CAPRIN1: variants seen among roughly 807,000 people sequenced by gnomAD.
CAPRIN1 encodes the protein cell cycle associated protein 1, also known as caprin-1.
Under a neutral mutation model 100.9 loss-of-function variants are expected in CAPRIN1, and 29 were observed. The observed-to-expected ratio is 0.29, with a 90% confidence interval of 0.21 to 0.39. The LOEUF (loss-of-function observed/expected upper bound fraction) is 0.39. CAPRIN1 is among the 10% of genes least tolerant of loss of function. CAPRIN1 has a pLI of 1.00. For missense variants in CAPRIN1, 795 were observed against 876.7 expected, an observed-to-expected ratio of 0.91 and a Z score of 1.18; for synonymous variants, 338 against 307.5, an observed-to-expected ratio of 1.10 and a Z score of -1.04.
intron 11 of CAPRIN1, among the ~76,000 whole-genome samples, chr11:34,088,054 G>A (rs564480838): frequency 6.6e-6 from 1 of 152,304 alleles, no homozygotes; most frequent in South Asian, 2.1e-4. Flanking sequence ...CTGGAGTGCA[G>A]TGGCGCATTC....
rs201634114 is a variant in CAPRIN1, at chr11:34,076,261, C to T, written c.392C>T (p.Ala131Val). 2 of 1,613,760 alleles carry T rather than the reference C, an allele frequency of 1.2e-6. No homozygotes were observed. Among genetic ancestry groups the T allele is most frequent in the South Asian group, 1.1e-5 (1 of 91,048 alleles). Residue 131 changes from alanine to valine, a missense_variant, in exon 5 of 19, where the codon GCA (alanine) becomes GTA (valine). By Grantham distance (64) the Ala-to-Val change is moderately conservative. This residue lies in a region of CAPRIN1 where 38 missense variants were observed against 92.3 expected (regional missense o/e 0.41). Transcript: ENST00000341394. ...ATTCAGAAAACAATAAAGAAGACAG[C>T]ACGTCGGGAGCAGCTTATGAGAGAA... ...QDIQKTIKKT[A>V]RREQLMREEA...
chr11:34,080,203 G>A (rs958860603), intron 7 of CAPRIN1, among the ~76,000 whole-genome samples: 4 of 152,156 alleles, frequency 2.6e-5, no homozygotes, highest in African/African-American at 7.2e-5. Context: ...GATTACAGGC[G>A]TGAGCCACTG....
chr11:34,054,815 TC>T (rs913681349), intron 2 of CAPRIN1, among the ~76,000 whole-genome samples: 1 of 152,236 alleles, frequency 6.6e-6, no homozygotes, highest in African/African-American at 2.4e-5. Flanking sequence ...AATGTTTTTT[TC>T]TAGGACAGTA....
Position 34,086,348 on chromosome 11 carries a change from T to C in CAPRIN1, c.1166T>C (p.Ile389Thr). Reference sequence around the variant, plus strand: ...GAAAATCAGACACTTGATCCTGCCATTGTATCTGCACAGCCTATGAATCCA... The same window carrying C: ...GAAAATCAGACACTTGATCCTGCCACTGTATCTGCACAGCCTATGAATCCA... ...DFENQTLDPA[I>T]VSAQPMNPTQ... The change falls in exon 11 of 19, where the codon ATT (isoleucine) becomes ACT (threonine). Residue 389 changes from isoleucine (I) to threonine (T), a missense_variant. Coordinates refer to ENST00000341394, the MANE Select transcript of CAPRIN1 (RefSeq NM_005898.5). 2 of 1,614,112 alleles carry C rather than the reference T, an allele frequency of 1.2e-6. No individual in the cohort carries two copies. The highest frequency in any genetic ancestry group is 1.7e-6 in the Non-Finnish European group (2 of 1,179,956).
At chr11:34,061,170 TTA>T (rs1850569071) in intron 2 of CAPRIN1, among the ~76,000 whole-genome samples, 1 of 151,700 alleles carries the variant, frequency 6.6e-6, no homozygotes, top group South Asian at 2.1e-4. Context: ...GCTTGAAAAA[TTA>T]TCTTACAATG....
intron 2 of CAPRIN1, among the ~76,000 whole-genome samples, chr11:34,054,791 T>C (rs927620731): frequency 3.3e-5 from 5 of 152,348 alleles, no homozygotes; most frequent in African/African-American, 1.2e-4. Context: ...TTTGATTCTT[T>C]AGAATTTCTT....
rs1851460740 is a variant in CAPRIN1, at chr11:34,101,938, T to G, written c.*2571T>G. ...TAATATAAATCATCTCATGTGGATA[T>G]GAAACTTCTTTTTTAAAACTTAAAA... is the stretch of plus-strand genomic sequence containing the variant. On this transcript the variant is annotated 3_prime_UTR_variant, in exon 19 of 19. Transcript: ENST00000341394. 6.6e-6 allele frequency among the ~76,000 whole-genome samples: 1 copy of G among 152,230 alleles called. No homozygotes were observed. The highest frequency in any genetic ancestry group is 1.5e-5 in the Non-Finnish European group (1 of 68,030).
chr11:34,080,876 A>G (rs1851015892), intron 7 of CAPRIN1, among the ~76,000 whole-genome samples: 1 of 152,242 alleles, frequency 6.6e-6, no homozygotes, highest in Non-Finnish European at 1.5e-5. Flanking sequence ...TGAAGATTGT[A>G]CATTGGTGGA....
chr11:34,096,785 T>C (rs866928995), intron 16 of CAPRIN1, 112 bp downstream of exon 16: 1 of 697,296 alleles, frequency 1.4e-6, no homozygotes, highest in South Asian at 2.2e-5. Flanking sequence ...ATTAGCCTCC[T>C]ATGTGCAATT....
rs1850807727 is a variant in CAPRIN1, at chr11:34,071,767, A to G, written c.258A>G (p.Glu86=). 6.2e-7 allele frequency: 1 copy of G among 1,610,604 alleles called. No individual in the cohort carries two copies. The highest frequency in any genetic ancestry group is 1.7e-4 in the Middle Eastern group (1 of 6,056). Residue 86 remains glutamate (E), a synonymous_variant, in exon 3 of 19, where the codon GAA becomes GAG. Coordinates refer to ENST00000341394, the MANE Select transcript of CAPRIN1 (RefSeq NM_005898.5). ...ACCAGGAACGAATGAACAAAGGGGA[A>G]AGGCTTAATCAAGATCAGCTGGTAA... The part of the protein sequence containing the change: ...DDYQERMNKG[E]RLNQDQLDAV...
At chr11:34,075,274 T>A (rs1157271138) in intron 4 of CAPRIN1, among the ~76,000 whole-genome samples, 2 of 152,166 alleles carry the variant, frequency 1.3e-5, no homozygotes, top group Non-Finnish European at 2.9e-5. Context: ...TGTCCCTATT[T>A]TGGTTTTCTG....
Position 34,076,219 on chromosome 11 carries a change from T to C in CAPRIN1, c.367-17T>C. On this transcript the variant is annotated splice_polypyrimidine_tract_variant and intron_variant, in intron 4 of 18. Coordinates refer to ENST00000341394, the MANE Select transcript of CAPRIN1 (RefSeq NM_005898.5). ...ATATAACTAATTTTGGTGTTTTACTTTTATATTGTTTTGCAGATTCAGAAA... is the reference window on the plus strand; with the variant it reads ...ATATAACTAATTTTGGTGTTTTACTCTTATATTGTTTTGCAGATTCAGAAA... 1 of 1,589,928 alleles carries C rather than the reference T, an allele frequency of 6.3e-7. No homozygotes were observed. The highest frequency in any genetic ancestry group is 8.6e-7 in the Non-Finnish European group (1 of 1,160,984).
intron 6 of CAPRIN1, 42 bp from the exon 7 acceptor site, chr11:34,079,586 C>A: frequency 6.4e-7 from 1 of 1,553,958 alleles, no homozygotes; most frequent in Non-Finnish European, 8.8e-7. Context: ...GCCAGGCATC[C>A]TCAGATAAGT....
At chr11:34,062,610 G>A (rs903468901) in intron 2 of CAPRIN1, among the ~76,000 whole-genome samples, 1 of 112,512 alleles carries the variant, frequency 8.9e-6, no homozygotes, top group Non-Finnish European at 1.7e-5. Context: ...GGGCGACAGA[G>A]CAAAACTCCG....
At chr11:34,075,775 A>C (rs1322496889) in intron 4 of CAPRIN1, among the ~76,000 whole-genome samples, 1 of 152,192 alleles carries the variant, frequency 6.6e-6, no homozygotes, top group African/African-American at 2.4e-5. Flanking sequence ...ATTTCTGTAT[A>C]ATTTCTAAAT....
intron 18 of CAPRIN1, chr11:34,098,787 T>C (rs1851409207): frequency 4.1e-6 from 4 of 984,722 alleles, no homozygotes; most frequent in South Asian, 4.7e-5. Context: ...TAAAAAGTTA[T>C]TTTATCTGTT....
intron 2 of CAPRIN1, among the ~76,000 whole-genome samples, chr11:34,057,425 C>T (rs544707597): frequency 5.1e-4 from 77 of 152,200 alleles, no homozygotes; most frequent in African/African-American, 1.8e-3. Flanking sequence ...ATTGTTTTAA[C>T]GTGGCCAAAT....
At chr11:34,097,082 TTTGA>T in intron 16 of CAPRIN1, 110 bp from the exon 17 acceptor site, 2 of 724,846 alleles carry the variant, frequency 2.8e-6, no homozygotes, top group Non-Finnish European at 4.7e-6. Context: ...TGGAGATTAA[TTTGA>T]TTAACTAGCC....
chr11:34,061,692 G>A (rs966352942), intron 2 of CAPRIN1, among the ~76,000 whole-genome samples: 3 of 151,774 alleles, frequency 2.0e-5, no homozygotes, highest in Non-Finnish European at 2.9e-5. Flanking sequence ...CTTACCGGCC[G>A]GGCACAATGG....
Sources: allele counts gnomAD v4.1 joint callset (sites outside exome capture counted in the v4.1 genomes callset), GRCh38; gene constraint gnomAD v4.1.1; regional missense constraint gnomAD v4.1.1; transcripts MANE v1.5; gene names NCBI Gene and HGNC (gene_info 2026-07-23, HGNC 2026-07-21).